The following CFAP53 variants were observed in gnomAD, a reference collection of about 807,000 sequenced individuals.
The protein encoded by CFAP53 is cilia- and flagella-associated protein 53.
A neutral mutation model predicts 59.7 loss-of-function variants in CFAP53; 62 were observed. The ratio of observed to expected loss-of-function variants is 1.04; its 90% CI spans 0.85 to 1.28. The LOEUF (loss-of-function observed/expected upper bound fraction) is 1.28. Among genes scored for constraint, CFAP53 ranks in the 50% most tolerant of loss-of-function variants. The pLI is 0.00. For synonymous variants in CFAP53, 218 were observed against 205.7 expected (o/e 1.06, Z -0.51); for missense variants, 629 against 615.6 (o/e 1.02, Z -0.23).
intron 7 of CFAP53, among the ~76,000 whole-genome samples, chr18:50,231,033 A>G (rs924110139): frequency 2.0e-5 from 3 of 152,220 alleles, no homozygotes; most frequent in Non-Finnish European, 4.4e-5. Flanking sequence ...TTCATGGCCC[A>G]GGACATACAG....
chr18:50,238,856 A>G (rs1021147996), intron 6 of CFAP53, 151 bp from the exon 7 acceptor site: 1 of 551,064 alleles, frequency 1.8e-6, no homozygotes, highest in Non-Finnish European at 3.1e-6. Context: ...TACACATCTC[A>G]ATTGAGAAAT....
At chr18:50,253,808 A>G (rs936123177) in intron 3 of CFAP53, among the ~76,000 whole-genome samples, 2 of 152,108 alleles carry the variant, frequency 1.3e-5, no homozygotes, top group Admixed American at 6.6e-5. Flanking sequence ...GTTTCATTGC[A>G]TCACCTCTGC....
chr18:50,233,413 G>A (rs1037611113), intron 7 of CFAP53, among the ~76,000 whole-genome samples: 1 of 152,090 alleles, frequency 6.6e-6, no homozygotes, highest in African/African-American at 2.4e-5. Context: ...TCTTAATATT[G>A]ATGCTTTTAT....
intron 1 of CFAP53, among the ~76,000 whole-genome samples, chr18:50,262,966 G>A (rs1443330225): frequency 6.6e-6 from 1 of 152,110 alleles, no homozygotes; most frequent in Non-Finnish European, 1.5e-5. Context: ...TAAATGTACT[G>A]TTTTTACAGA....
chr18:50,238,940 A>C (rs2033662597), intron 6 of CFAP53, among the ~76,000 whole-genome samples: 1 of 152,006 alleles, frequency 6.6e-6, no homozygotes, highest in Admixed American at 6.6e-5. Context: ...ATCTATAATT[A>C]CCCTTTTTCA....
intron 5 of CFAP53, among the ~76,000 whole-genome samples, chr18:50,249,882 C>T (rs1333226951): frequency 1.3e-5 from 2 of 152,090 alleles, no homozygotes; most frequent in African/African-American, 2.4e-5. Flanking sequence ...CAAGGAATCT[C>T]TCTGTATTAT....
intron 7 of CFAP53, among the ~76,000 whole-genome samples, chr18:50,232,726 A>C (rs1317395414): frequency 6.6e-6 from 1 of 152,196 alleles, no homozygotes; most frequent in Non-Finnish European, 1.5e-5. Flanking sequence ...GTTGGGAAGA[A>C]TTTATCCCAC....
At chr18:50,228,104 G>A (rs146549033) in intron 7 of CFAP53, among the ~76,000 whole-genome samples, 330 of 152,000 alleles carry the variant, frequency 2.2e-3, no homozygotes, top group African/African-American at 7.7e-3. Context: ...GATTGCAGGC[G>A]TCCGCCACCA....
intron 3 of CFAP53, among the ~76,000 whole-genome samples, chr18:50,252,861 A>T (rs2033814043): frequency 6.6e-6 from 1 of 152,180 alleles, no homozygotes; most frequent in Non-Finnish European, 1.5e-5. Flanking sequence ...AAAAGTTTTT[A>T]AAAAATTAGC....
At chr18:50,255,394 G>A (rs1568158165) in intron 3 of CFAP53, among the ~76,000 whole-genome samples, 2 of 152,102 alleles carry the variant, frequency 1.3e-5, no homozygotes, top group Non-Finnish European at 2.9e-5. Context: ...GTCTACAGGT[G>A]ATAAAATGGC....
chr18:50,262,295 A>T, intron 1 of CFAP53, 76 bp from the exon 2 acceptor site: 2 of 1,184,696 alleles, frequency 1.7e-6, no homozygotes, highest in Non-Finnish European at 2.5e-6. Flanking sequence ...TATGCTCTCA[A>T]TCAATACTCA....
At position 50,262,196 on chromosome 18, in the gene CFAP53, T is replaced by C. The variant is rs3744849; in HGVS notation, c.93A>G (p.Gln31=). ...VIVRSKPPKG[Q]GAEHHLERIR... Reference sequence around the variant, plus strand: ...TTCTTTCTAGATGGTGCTCAGCTCCTTGGCCTTTAGGAGGCTTGGATCTCT... The same window carrying C: ...TTCTTTCTAGATGGTGCTCAGCTCCCTGGCCTTTAGGAGGCTTGGATCTCT... The change falls in exon 2 of 8, where the codon CAA becomes CAG. Residue 31 remains glutamine (Q), a synonymous_variant. Transcript: ENST00000398545. The C allele has an allele frequency of 8.2e-5, 132 of 1,614,106 alleles. No individual in the cohort carries two copies. The East Asian group carries it at 2.2e-3, about 27-fold the overall frequency.
At chr18:50,245,957 C>G (rs1218723175) in intron 5 of CFAP53, among the ~76,000 whole-genome samples, 1 of 152,156 alleles carries the variant, frequency 6.6e-6, no homozygotes, top group East Asian at 1.9e-4. Flanking sequence ...ATGACACGAT[C>G]TCAGCTCACT....
Position 50,238,687 on chromosome 18 carries a change from T to C in CFAP53, c.1232A>G (p.Glu411Gly), listed in dbSNP as rs1318005513. 3 of 1,611,340 alleles carry C rather than the reference T, an allele frequency of 1.9e-6. No homozygotes were observed. In the Admixed American group the frequency reaches 5.0e-5, roughly 27 times the overall value. The stretch of plus-strand genomic sequence containing the variant: ...CTGTTCCATAGCACGTTCTTCCTGT[T>C]CTTTAGCTTCTCGTTGCACTAAGAA... ...VQEKLQREAK[E>G]QEERAMEQKH... The change falls in exon 7 of 8, where the codon GAA becomes GGA. Residue 411 changes from glutamate to glycine, a missense_variant. Physicochemically the swap from Glu to Gly is moderately conservative, Grantham distance 98. Coordinates refer to ENST00000398545, the MANE Select transcript of CFAP53 (RefSeq NM_145020.5).
intron 5 of CFAP53, among the ~76,000 whole-genome samples, chr18:50,249,787 T>C (rs150722084): frequency 6.6e-6 from 1 of 152,318 alleles, no homozygotes; most frequent in East Asian, 1.9e-4. Flanking sequence ...TTCAGTATCT[T>C]GATTATATCA....
chr18:50,246,030 C>T (rs1386453084), intron 5 of CFAP53, among the ~76,000 whole-genome samples: 1 of 152,204 alleles, frequency 6.6e-6, no homozygotes, highest in Non-Finnish European at 1.5e-5. Flanking sequence ...GCTGGGATTA[C>T]AGGCATGGGC....
At chr18:50,266,194 T>C in intron 1 of CFAP53, 142 bp downstream of exon 1, 2 of 723,696 alleles carry the variant, frequency 2.8e-6, no homozygotes, top group Non-Finnish European at 4.9e-6. Context: ...TCTTCCTTCT[T>C]TCAAAATTCA....
chr18:50,251,774 C>G lies in CFAP53; in HGVS notation c.484G>C (p.Glu162Gln). ...GATAACAATTCAACACGGAGCTCCT[C>G]ACAGCGTTCCCTGAAAGGAAAATTT... is the stretch of plus-strand genomic sequence containing the variant. ...KLDQQFRERC[E>Q]ELRVELLSIH... is the part of the protein sequence containing the mutation. Residue 162 changes from glutamate (E) to glutamine (Q), a missense_variant, in exon 4 of 8, where the codon GAG (glutamate) becomes CAG (glutamine). Transcript: ENST00000398545. The G allele has an allele frequency of 6.2e-7, 1 of 1,612,550 alleles. No homozygotes were observed. Among genetic ancestry groups the G allele is most frequent in the Non-Finnish European group, 8.5e-7 (1 of 1,179,132 alleles).
intron 3 of CFAP53, among the ~76,000 whole-genome samples, chr18:50,258,700 T>C (rs1223532219): frequency 6.6e-6 from 1 of 151,992 alleles, no homozygotes; most frequent in African/African-American, 2.4e-5. Context: ...TTGCAAACTA[T>C]CCCTCTGAAA....
Sources: allele counts gnomAD v4.1 joint callset (sites outside exome capture counted in the v4.1 genomes callset), GRCh38; gene constraint gnomAD v4.1.1; transcripts MANE v1.5; gene names NCBI Gene and HGNC (gene_info 2026-07-23, HGNC 2026-07-21).